Variants in ZFHX3 observed in about 807,000 individuals in gnomAD.
ZFHX3 encodes zinc finger homeobox 3, also known as zinc finger homeobox protein 3.
A neutral mutation model predicts 279.1 loss-of-function variants in ZFHX3; 42 were observed. The ratio of observed to expected loss-of-function variants is 0.15; its 90% CI spans 0.12 to 0.19. The LOEUF is 0.19. Among genes scored for constraint, ZFHX3 ranks in the 10% least tolerant of loss-of-function variants. The pLI is 1.00. For synonymous variants in ZFHX3, 2,293 were observed against 1,957.8 expected (o/e 1.17, Z -4.52); for missense variants, 4,981 against 4,754.0 (o/e 1.05, Z -1.40).
intron 3 of ZFHX3, among the ~76,000 whole-genome samples, chr16:73,338,920 G>A (rs2015972223): frequency 6.6e-6 from 1 of 152,082 alleles, no homozygotes; most frequent in South Asian, 2.1e-4. Flanking sequence ...AAAATGTGTG[G>A]CACCTACCCC....
At chr16:73,439,054 T>C (rs2018042382) in intron 3 of ZFHX3, among the ~76,000 whole-genome samples, 1 of 152,234 alleles carries the variant, frequency 6.6e-6, no homozygotes. Flanking sequence ...CATCACAGGA[T>C]ACAACCTGGG....
intron 6 of ZFHX3, among the ~76,000 whole-genome samples, chr16:73,141,903 A>T (rs1251747491): frequency 6.6e-6 from 1 of 152,176 alleles, no homozygotes; most frequent in African/African-American, 2.4e-5. Context: ...AACAAAGAGC[A>T]GGGTGGTTTA....
At chr16:72,871,035 A>C (rs1283090932) in intron 4 of ZFHX3, among the ~76,000 whole-genome samples, 1 of 152,166 alleles carries the variant, frequency 6.6e-6, no homozygotes. Context: ...TTATGGAGAG[A>C]GTAAGATTAT....
intron 3 of ZFHX3, among the ~76,000 whole-genome samples, chr16:73,431,630 G>T (rs970294505): frequency 2.9e-4 from 44 of 152,288 alleles, no homozygotes; most frequent in African/African-American, 1.0e-3. Context: ...TGTTAGACAT[G>T]CAGTTAATCC....
At chr16:72,904,305 G>A (rs1000178632) in intron 3 of ZFHX3, among the ~76,000 whole-genome samples, 2 of 151,732 alleles carry the variant, frequency 1.3e-5, no homozygotes, top group Non-Finnish European at 2.9e-5. Flanking sequence ...GGTGGAGGTC[G>A]CAGTGAGCCG....
At chr16:73,887,581 T>C (rs1167946171) in intron 1 of ZFHX3, among the ~76,000 whole-genome samples, 1 of 152,150 alleles carries the variant, frequency 6.6e-6, no homozygotes, top group African/African-American at 2.4e-5. Flanking sequence ...AGCAGGCTCT[T>C]GTCAGATGGA....
At chr16:73,269,570 T>C (rs185334139) in intron 4 of ZFHX3, among the ~76,000 whole-genome samples, 7 of 152,342 alleles carry the variant, frequency 4.6e-5, no homozygotes, top group Admixed American at 3.9e-4. Context: ...CAAATGGACA[T>C]CTGGGCTGTT....
chr16:73,521,500 G>A (rs749192317), intron 2 of ZFHX3, among the ~76,000 whole-genome samples: 3 of 152,074 alleles, frequency 2.0e-5, no homozygotes, highest in Non-Finnish European at 4.4e-5. Flanking sequence ...GGGCGGGCAG[G>A]GTAGGAGGTA....
intron 2 of ZFHX3, among the ~76,000 whole-genome samples, chr16:73,647,154 A>G (rs2052626655): frequency 6.6e-6 from 1 of 151,914 alleles, no homozygotes; most frequent in Non-Finnish European, 1.5e-5. Context: ...CTGGGACTAC[A>G]GGCGCCTGCC....
intron 1 of ZFHX3, among the ~76,000 whole-genome samples, chr16:73,757,449 A>G (rs948478632): frequency 7.9e-5 from 12 of 152,310 alleles, no homozygotes; most frequent in Middle Eastern, 6.8e-3. Flanking sequence ...TTTTTCTACA[A>G]TTCAGTTTTT....
chr16:73,317,373 G>A (rs1014177018), intron 4 of ZFHX3, among the ~76,000 whole-genome samples: 3 of 151,966 alleles, frequency 2.0e-5, no homozygotes, highest in Admixed American at 6.6e-5. Flanking sequence ...AATGTTACCC[G>A]GCAGAGTCAC....
At chr16:73,605,572 T>C (rs1003618877) in intron 2 of ZFHX3, among the ~76,000 whole-genome samples, 3 of 152,072 alleles carry the variant, frequency 2.0e-5, no homozygotes, top group African/African-American at 7.2e-5. Context: ...TACAGAGTCC[T>C]GTACCTGGTA....
At chr16:73,242,905 G>A (rs746334228) in intron 5 of ZFHX3, among the ~76,000 whole-genome samples, 17 of 152,176 alleles carry the variant, frequency 1.1e-4, no homozygotes, top group Non-Finnish European at 2.1e-4. Context: ...CAACTGGGCC[G>A]TGCTATGGAA....
At chr16:73,360,400 G>A (rs555996248) in intron 3 of ZFHX3, among the ~76,000 whole-genome samples, 1 of 152,334 alleles carries the variant, frequency 6.6e-6, no homozygotes, top group South Asian at 2.1e-4. Context: ...GTGCAGTGGT[G>A]CAATCTGGGC....
At chr16:73,713,681 T>C (rs1001397404) in intron 1 of ZFHX3, among the ~76,000 whole-genome samples, 2 of 152,080 alleles carry the variant, frequency 1.3e-5, no homozygotes, top group Non-Finnish European at 2.9e-5. Context: ...CTATTTCTTT[T>C]CAGAAGGGCT....
At chr16:73,774,677 G>T (rs1018924551) in intron 1 of ZFHX3, among the ~76,000 whole-genome samples, 1 of 152,194 alleles carries the variant, frequency 6.6e-6, no homozygotes, top group South Asian at 2.1e-4. Context: ...ACAAGGAACA[G>T]CTGGGCAACA....
intron 3 of ZFHX3, among the ~76,000 whole-genome samples, chr16:73,371,787 T>C (rs1222841408): frequency 6.6e-6 from 1 of 152,232 alleles, no homozygotes; most frequent in Non-Finnish European, 1.5e-5. Context: ...CTGCCTGGTT[T>C]GGGGCCCTGA....
At chr16:73,725,511 C>T (rs1351195852) in intron 1 of ZFHX3, among the ~76,000 whole-genome samples, 1 of 149,342 alleles carries the variant, frequency 6.7e-6, no homozygotes, top group Non-Finnish European at 1.5e-5. Flanking sequence ...CTTATTGTCA[C>T]TACCTCCAAC....
chr16:73,513,030 T>C (rs2019459738), intron 2 of ZFHX3, among the ~76,000 whole-genome samples: 1 of 152,160 alleles, frequency 6.6e-6, no homozygotes, highest in Non-Finnish European at 1.5e-5. Flanking sequence ...AATAGAATTC[T>C]AGAATAGCAC....
Sources: gnomAD v4.1 joint callset for allele counts (sites outside exome capture counted in the v4.1 genomes callset) on GRCh38, gnomAD v4.1.1 for gene constraint, MANE v1.5 for transcripts, NCBI Gene and HGNC (gene_info 2026-07-23, HGNC 2026-07-21) for gene names.